AMBRA1: variants seen among roughly 807,000 people sequenced by gnomAD.
The protein encoded by AMBRA1 is activating molecule in BECN1-regulated autophagy protein 1.
A neutral mutation model predicts 125.4 loss-of-function variants in AMBRA1; 47 were observed. The observed-to-expected ratio is 0.37, with a 90% CI of 0.30 to 0.48. The LOEUF (loss-of-function observed/expected upper bound fraction) is 0.48, where lower values mean the gene tolerates loss of function less well. AMBRA1 is among the 20% of genes least tolerant of loss of function. The pLI is 0.99. For synonymous variants in AMBRA1, 626 were observed against 655.5 expected (o/e 0.95, Z 0.69); for missense variants, 1,331 against 1,693.4 (o/e 0.79, Z 3.76).
At chr11:46,425,047 T>C (rs1011911889) in intron 14 of AMBRA1, among the ~76,000 whole-genome samples, 3 of 152,096 alleles carry the variant, frequency 2.0e-5, no homozygotes, top group South Asian at 4.2e-4. Flanking sequence ...GGCAGGAGAA[T>C]TGCTTGAACC....
At chr11:46,585,685 AAAAAAAAAAAATATATATATATAT>A (rs2044352293) in intron 1 of AMBRA1, among the ~76,000 whole-genome samples, 1 of 32,316 alleles carries the variant, frequency 3.1e-5, no homozygotes. Flanking sequence ...AAAAAAAAAA[AAAAAAAAAAAATATATATATATAT>A]ATATATATAT....
intron 11 of AMBRA1, among the ~76,000 whole-genome samples, chr11:46,463,983 AAGGAGAGATAGGG>A (rs1949214398): frequency 1.3e-5 from 2 of 152,316 alleles, no homozygotes; most frequent in East Asian, 3.9e-4. Flanking sequence ...AAAGTCAGAA[AAGGAGAGATAGGG>A]AGCTTTTCAC....
chr11:46,551,849 GA>G (rs1221389423), intron 1 of AMBRA1, among the ~76,000 whole-genome samples: 1 of 152,114 alleles, frequency 6.6e-6, no homozygotes, highest in Non-Finnish European at 1.5e-5. Context: ...TCAACATGGT[GA>G]AACCCCATCT....
chr11:46,583,912 T>C (rs1321212561), intron 1 of AMBRA1, among the ~76,000 whole-genome samples: 3 of 142,292 alleles, frequency 2.1e-5, no homozygotes, highest in Non-Finnish European at 4.6e-5. Context: ...GGAACACTTT[T>C]ACACTGTTGG....
intron 1 of AMBRA1, among the ~76,000 whole-genome samples, chr11:46,586,146 C>A (rs1223585516): frequency 6.6e-6 from 1 of 152,194 alleles, no homozygotes; most frequent in Non-Finnish European, 1.5e-5. Context: ...CTGGCTCACA[C>A]CTGTAATTCC....
chr11:46,579,211 A>G (rs896259837), intron 1 of AMBRA1, among the ~76,000 whole-genome samples: 1 of 151,982 alleles, frequency 6.6e-6, no homozygotes, highest in African/African-American at 2.4e-5. Flanking sequence ...TAATCCCAGC[A>G]CTTTGGGAGG....
chr11:46,472,399 T>G (rs764374675), intron 11 of AMBRA1, among the ~76,000 whole-genome samples: 1 of 152,226 alleles, frequency 6.6e-6, no homozygotes, highest in Non-Finnish European at 1.5e-5. Context: ...CTAGGACATA[T>G]ATTTAATTTT....
chr11:46,564,218 TAAA>T (rs781562495), intron 1 of AMBRA1, among the ~76,000 whole-genome samples: 5 of 131,174 alleles, frequency 3.8e-5, no homozygotes, highest in African/African-American at 1.1e-4. Flanking sequence ...ATCCCAGTAT[TAAA>T]AAAAAAAAAA....
intron 13 of AMBRA1, among the ~76,000 whole-genome samples, chr11:46,434,291 T>A (rs1055188287): frequency 1.3e-5 from 2 of 151,902 alleles, no homozygotes; most frequent in African/African-American, 2.4e-5. Flanking sequence ...GGAGCAGTTC[T>A]ATCACTGCAC....
intron 7 of AMBRA1, among the ~76,000 whole-genome samples, chr11:46,520,849 C>T (rs1175858058): frequency 6.6e-6 from 1 of 151,902 alleles, no homozygotes; most frequent in Non-Finnish European, 1.5e-5. Context: ...TCGTGATCCG[C>T]CCGCCTCGGC....
rs184315056 is a variant in AMBRA1, at chr11:46,476,262, T to C, written c.2521+17346A>G. 1.8e-3 allele frequency among the ~76,000 whole-genome samples: 276 copies of C among 152,290 alleles called. 1 individual carries two copies. The highest frequency in any genetic ancestry group is 6.2e-3 in the African/African-American group (259 of 41,550). On this transcript the variant is annotated intron_variant, in intron 11 of 17. Coordinates refer to ENST00000683756, the MANE Select transcript of AMBRA1 (RefSeq NM_001387011.1). ...TCTGTTAGTTCCATCCAGTGGCAGC[T>C]CAAGAAATTCTATAAATGAGTCTCA...
intron 3 of AMBRA1, chr11:46,547,506 G>A (rs1056501669): frequency 3.5e-6 from 2 of 563,850 alleles, no homozygotes; most frequent in Non-Finnish European, 6.1e-6. Flanking sequence ...AATGACACAT[G>A]CCACATTCGG....
intron 9 of AMBRA1, among the ~76,000 whole-genome samples, chr11:46,506,439 T>C (rs546605899): frequency 2.0e-5 from 3 of 152,328 alleles, no homozygotes; most frequent in South Asian, 2.1e-4. Context: ...GGCAAATTGG[T>C]ACAAAGGTTG....
At chr11:46,575,476 T>C (rs2043926015) in intron 1 of AMBRA1, among the ~76,000 whole-genome samples, 1 of 147,854 alleles carries the variant, frequency 6.8e-6, no homozygotes, top group South Asian at 2.1e-4. Flanking sequence ...AAAAACTAGG[T>C]AGCTTATAAA....
At chr11:46,413,943 G>A (rs996072036) in intron 15 of AMBRA1, among the ~76,000 whole-genome samples, 1 of 152,218 alleles carries the variant, frequency 6.6e-6, no homozygotes, top group African/African-American at 2.4e-5. Flanking sequence ...AATACACCAA[G>A]GGAGGAGGAA....
chr11:46,546,160 C>T (rs1315847153), intron 4 of AMBRA1: 1 of 156,124 alleles, frequency 6.4e-6, no homozygotes, highest in Non-Finnish European at 1.4e-5. Flanking sequence ...CTCAGCCTCC[C>T]AAGTAGCTGG....
intron 14 of AMBRA1, among the ~76,000 whole-genome samples, chr11:46,424,585 G>A (rs1947022179): frequency 6.6e-6 from 1 of 152,208 alleles, no homozygotes; most frequent in Admixed American, 6.5e-5. Context: ...GATGGCTCCT[G>A]CCTGTAGTCC....
At chr11:46,426,436 G>C (rs1278513261) in intron 14 of AMBRA1, among the ~76,000 whole-genome samples, 5 of 152,118 alleles carry the variant, frequency 3.3e-5, no homozygotes, top group Non-Finnish European at 7.4e-5. Context: ...CCAATGACAG[G>C]GGCTCAATAA....
chr11:46,472,792 G>T (rs528049335), intron 11 of AMBRA1, among the ~76,000 whole-genome samples: 1 of 152,094 alleles, frequency 6.6e-6, no homozygotes, highest in Non-Finnish European at 1.5e-5. Context: ...GGTGGCCTTC[G>T]GAACTATGTC....
Sources: allele counts gnomAD v4.1 joint callset (sites outside exome capture counted in the v4.1 genomes callset), GRCh38; gene constraint gnomAD v4.1.1; transcripts MANE v1.5; gene names NCBI Gene and HGNC (gene_info 2026-07-23, HGNC 2026-07-21).